INPP4B: variants seen among roughly 807,000 people sequenced by gnomAD.
INPP4B encodes inositol polyphosphate 4-phosphatase type II.
INPP4B carries 55 observed loss-of-function variants against 122.5 expected under a neutral mutation model. The observed-to-expected ratio is 0.45, with a 90% CI of 0.36 to 0.56. INPP4B has a LOEUF of 0.56. INPP4B is among the 20% of genes least tolerant of loss of function. The pLI is 0.00. For missense variants in INPP4B, 1,000 were observed against 1,097.7 expected, an observed-to-expected ratio of 0.91 and a Z score of 1.26; for synonymous variants, 403 against 388.7, an observed-to-expected ratio of 1.04 and a Z score of -0.43.
At chr4:142,213,535 T>C (rs1291057444) in intron 12 of INPP4B, among the ~76,000 whole-genome samples, 1 of 152,172 alleles carries the variant, frequency 6.6e-6, no homozygotes, top group African/African-American at 2.4e-5. Context: ...ACTGGACACG[T>C]GACAATGTCC....
At chr4:142,468,606 A>G (rs1233682785) in intron 2 of INPP4B, among the ~76,000 whole-genome samples, 1 of 152,036 alleles carries the variant, frequency 6.6e-6, no homozygotes, top group Non-Finnish European at 1.5e-5. Context: ...GTTAGTTTCC[A>G]CAAGAGCTGA....
At chr4:142,045,346 T>C (rs560217819) in intron 25 of INPP4B, among the ~76,000 whole-genome samples, 33 of 152,270 alleles carry the variant, frequency 2.2e-4, no homozygotes, top group South Asian at 1.2e-3. Context: ...GCCTTTGTAC[T>C]GGCCTTTTAA....
At chr4:142,485,442 C>G (rs186951236) in intron 2 of INPP4B, among the ~76,000 whole-genome samples, 47 of 152,190 alleles carry the variant, frequency 3.1e-4, no homozygotes, top group Non-Finnish European at 6.3e-4. Flanking sequence ...GATCAATACT[C>G]CTTTGTCAGC....
intron 11 of INPP4B, among the ~76,000 whole-genome samples, chr4:142,260,227 G>A (rs1015831122): frequency 1.4e-4 from 22 of 151,964 alleles, no homozygotes; most frequent in African/African-American, 4.1e-4. Context: ...CTCATGATCC[G>A]CCCGCCTCGG....
At chr4:142,428,839 A>C (rs1049292185) in intron 5 of INPP4B, among the ~76,000 whole-genome samples, 4 of 152,006 alleles carry the variant, frequency 2.6e-5, no homozygotes, top group Non-Finnish European at 5.9e-5. Flanking sequence ...TCTCCAGTCC[A>C]GGTATAGAAA....
At chr4:142,077,831 A>G (rs1237826950) in intron 25 of INPP4B, among the ~76,000 whole-genome samples, 1 of 152,020 alleles carries the variant, frequency 6.6e-6, no homozygotes, top group Non-Finnish European at 1.5e-5. Flanking sequence ...GTCTTGTCAT[A>G]ATGTCATTAA....
intron 2 of INPP4B, among the ~76,000 whole-genome samples, chr4:142,569,363 G>A (rs1732326214): frequency 6.6e-6 from 1 of 151,484 alleles, no homozygotes; most frequent in Non-Finnish European, 1.5e-5. Flanking sequence ...CCACAAAGGA[G>A]TGGTTTGCTT....
intron 2 of INPP4B, among the ~76,000 whole-genome samples, chr4:142,556,308 A>C (rs937575207): frequency 1.3e-4 from 20 of 152,170 alleles, no homozygotes; most frequent in Admixed American, 1.0e-3. Flanking sequence ...TGTGGGAACA[A>C]CACCACATCA....
chr4:142,093,937 G>T lies in INPP4B; in HGVS notation c.2375-7681C>A, dbSNP rs150255974. Among the ~76,000 whole-genome samples, 82 of 151,436 alleles carry T rather than the reference G, an allele frequency of 5.4e-4. 1 individual carries two copies. The East Asian group carries it at 0.015, about 28-fold the overall frequency. ...AAGTAATTTTTAAATTATATCCAAAGCAATATATTAAAAATTCTTCAAAAT... is the reference window on the plus strand; with the variant it reads ...AAGTAATTTTTAAATTATATCCAAATCAATATATTAAAAATTCTTCAAAAT... On this transcript the variant is annotated intron_variant, in intron 23 of 25. Transcript: ENST00000262992.
intron 2 of INPP4B, among the ~76,000 whole-genome samples, chr4:142,571,601 T>C (rs1732840484): frequency 6.6e-6 from 1 of 152,144 alleles, no homozygotes; most frequent in Admixed American, 6.6e-5. Context: ...AGCAGCATAA[T>C]TATCTCCTTG....
chr4:142,516,424 T>G (rs1437049266), intron 2 of INPP4B, among the ~76,000 whole-genome samples: 1 of 152,186 alleles, frequency 6.6e-6, no homozygotes, highest in Admixed American at 6.5e-5. Context: ...TAGGTTCATT[T>G]ATTCATTACT....
At chr4:142,243,921 T>A (rs796360969) in intron 11 of INPP4B, among the ~76,000 whole-genome samples, 1 of 117,026 alleles carries the variant, frequency 8.5e-6, no homozygotes, top group Admixed American at 9.1e-5. Flanking sequence ...TATTATTATT[T>A]ATTATTATAC....
At chr4:142,715,913 G>A (rs745953474) in intron 2 of INPP4B, among the ~76,000 whole-genome samples, 2 of 152,184 alleles carry the variant, frequency 1.3e-5, no homozygotes, top group Admixed American at 6.5e-5. Context: ...GATGCTGGCT[G>A]TTGGCAGAGA....
intron 9 of INPP4B, among the ~76,000 whole-genome samples, chr4:142,276,248 T>C (rs1162794201): frequency 6.6e-6 from 1 of 151,938 alleles, no homozygotes; most frequent in African/African-American, 2.4e-5. Flanking sequence ...CAAGTTTTCA[T>C]CTTAAAGCTC....
At chr4:142,173,877 T>C (rs1305104175) in intron 15 of INPP4B, 68 bp from the exon 16 acceptor site, 16 of 1,238,082 alleles carry the variant, frequency 1.3e-5, no homozygotes, top group Middle Eastern at 1.9e-4. Flanking sequence ...TAATATCAGA[T>C]GGCAAATGAT....
At chr4:142,720,735 T>TATATATGTATATATACATATATATAA (rs1308644471) in intron 2 of INPP4B, among the ~76,000 whole-genome samples, 3 of 90,706 alleles carry the variant, frequency 3.3e-5, no homozygotes, top group African/African-American at 1.4e-4. Flanking sequence ...TATATACATA[T>TATATATGTATATATACATATATATAA]ATATATATAT....
intron 2 of INPP4B, among the ~76,000 whole-genome samples, chr4:142,618,554 T>C (rs1744184158): frequency 6.6e-6 from 1 of 151,988 alleles, no homozygotes; most frequent in Non-Finnish European, 1.5e-5. Flanking sequence ...AACTGGACCC[T>C]TTTCTTCCAC....
chr4:142,704,813 C>T (rs1254316734), intron 2 of INPP4B, among the ~76,000 whole-genome samples: 1 of 152,172 alleles, frequency 6.6e-6, no homozygotes, highest in African/African-American at 2.4e-5. Flanking sequence ...TTTATTCTTA[C>T]CACTCACAAA....
At chr4:142,097,418 C>T (rs912166612) in intron 23 of INPP4B, among the ~76,000 whole-genome samples, 1 of 149,990 alleles carries the variant, frequency 6.7e-6, no homozygotes, top group Non-Finnish European at 1.5e-5. Flanking sequence ...CCATGCCTGG[C>T]TAATTTTTTG....
Sources: gnomAD v4.1 joint callset for allele counts (sites outside exome capture counted in the v4.1 genomes callset) on GRCh38, gnomAD v4.1.1 for gene constraint, MANE v1.5 for transcripts, NCBI Gene and HGNC (gene_info 2026-07-23, HGNC 2026-07-21) for gene names.